The following TRMT11 variants were observed in gnomAD, a reference collection of about 807,000 sequenced individuals.
The protein encoded by TRMT11 is tRNA (guanine(10)-N(2))-methyltransferase TRMT11.
In TRMT11, 53 loss-of-function variants were observed where a neutral mutation model predicts 62.8. That is an observed-to-expected ratio of 0.84 (90% CI 0.68 to 1.06). The LOEUF (loss-of-function observed/expected upper bound fraction) is 1.06, where lower values mean the gene tolerates loss of function less well. Among genes scored for constraint, TRMT11 ranks in the 50% least tolerant of loss-of-function variants. The pLI, the probability that TRMT11 is intolerant of heterozygous loss-of-function variation, is 0.00. For missense variants in TRMT11, 556 were observed against 553.4 expected, an observed-to-expected ratio of 1.00 and a Z score of -0.05; for synonymous variants, 188 against 190.3, an observed-to-expected ratio of 0.99 and a Z score of 0.10.
intron 17 of TRMT11, among the ~76,000 whole-genome samples, chr6:126,089,174 C>T (rs559365081): frequency 3.0e-4 from 46 of 151,028 alleles, no homozygotes; most frequent in African/African-American, 9.2e-4. Flanking sequence ...AGTGCAGTGG[C>T]GCGATCTTGG....
At chr6:126,226,106 GCTTTTATGAAAATAAAAC>G in the TRMT11 span, among the ~76,000 whole-genome samples, 1 of 152,038 alleles carries the variant, frequency 6.6e-6, no homozygotes, top group African/African-American at 2.4e-5. Flanking sequence ...ATTTACTTGG[GCTTTTATGAAAATAAAAC>G]CCAAAACTAG....
intron 21 of TRMT11, among the ~76,000 whole-genome samples, chr6:126,166,538 C>T (rs1157653400): frequency 1.3e-5 from 2 of 152,274 alleles, no homozygotes; most frequent in African/African-American, 2.4e-5. Context: ...CACCAGATGC[C>T]AGCCGGAGCT....
chr6:126,129,697 A>T lies in TRMT11; in HGVS notation c.*1823+13842A>T, dbSNP rs534244284. Among the ~76,000 whole-genome samples, 64 of 151,922 alleles carry T rather than the reference A, an allele frequency of 4.2e-4. 1 individual carries two copies. The South Asian group carries it at 6.3e-3, about 15-fold the overall frequency. On this transcript the variant is annotated intron_variant and NMD_transcript_variant, in intron 21 of 22. Transcript: ENST00000648977. ...GCTACCGTGACTGGATTTAAAAAAA[A>T]TTTTTTTTATGTAGAACGAGGTATT...
intron 6 of TRMT11, among the ~76,000 whole-genome samples, 194 bp downstream of exon 6, chr6:125,998,878 G>T (rs1792035188): frequency 6.6e-6 from 1 of 152,038 alleles, no homozygotes; most frequent in Admixed American, 6.6e-5. Context: ...AGTGCAAGAG[G>T]CTTGTTAGAT....
In TRMT11 at chr6:126,154,831, C is replaced by G. The variant is rs558443893; in HGVS notation, c.*1824-19994C>G. 2.6e-5 allele frequency among the ~76,000 whole-genome samples: 4 copies of G among 152,300 alleles called. 1 individual carries two copies. In the South Asian group the frequency reaches 8.3e-4, roughly 32 times the overall value. The stretch of plus-strand genomic sequence containing the variant: ...TGGGCTTGCCTGGTCCAAGCATGGA[C>G]TGATCTTTTGAGCATCCTACTAATT... On this transcript the variant is annotated intron_variant and NMD_transcript_variant, in intron 21 of 22. Transcript: ENST00000648977.
At chr6:126,073,924 A>C (rs753344287) in intron 17 of TRMT11, among the ~76,000 whole-genome samples, 28 of 152,132 alleles carry the variant, frequency 1.8e-4, no homozygotes, top group Non-Finnish European at 3.7e-4. Context: ...TGGCAGCAGC[A>C]AGGAGAAGCG....
At chr6:126,145,213 T>C (rs1777960545) in intron 21 of TRMT11, among the ~76,000 whole-genome samples, 1 of 152,184 alleles carries the variant, frequency 6.6e-6, no homozygotes, top group African/African-American at 2.4e-5. Flanking sequence ...TTTAGAACAC[T>C]AACCAAACAC....
chr6:126,098,789 G>A (rs1777365915), intron 17 of TRMT11, among the ~76,000 whole-genome samples: 2 of 152,018 alleles, frequency 1.3e-5, no homozygotes, highest in South Asian at 2.1e-4. Flanking sequence ...TTGTCACATG[G>A]GCCTAGATAA....
Position 125,993,815 on chromosome 6 carries a change from A to T in TRMT11, c.131A>T (p.Tyr44Phe), listed in dbSNP as rs1261996793. The T allele has an allele frequency of 6.2e-7, 1 of 1,606,832 alleles. No individual in the cohort carries two copies. The highest frequency in any genetic ancestry group is 1.3e-5 in the African/African-American group (1 of 74,734). ...CAGTTTGCCAGCAGTCAAGAAACTT[A>T]TGGAAAGGTAAGTTAAATTTTCATT... Reference protein sequence around the residue: ...GGQFASSQETYGKSPFWILSI... With the variant: ...GGQFASSQETFGKSPFWILSI... The change falls in exon 2 of 13, where the codon TAT becomes TTT. Residue 44 changes from tyrosine (Y) to phenylalanine (F), a missense_variant. Transcript: ENST00000334379.
intron 1 of TRMT11, among the ~76,000 whole-genome samples, chr6:126,197,893 C>A (rs896666989): frequency 2.0e-5 from 3 of 152,058 alleles, no homozygotes; most frequent in African/African-American, 7.2e-5. Context: ...AGTGAGGGAC[C>A]AAAGGAAAAC....
intron 21 of TRMT11, among the ~76,000 whole-genome samples, chr6:126,129,438 AC>A (rs1777755579): frequency 2.0e-5 from 3 of 152,168 alleles, no homozygotes; most frequent in African/African-American, 7.2e-5. Flanking sequence ...TGTTAAAATT[AC>A]AAACCAACCC....
chr6:126,083,480 A>C (rs1016640919), intron 17 of TRMT11, among the ~76,000 whole-genome samples: 2 of 152,150 alleles, frequency 1.3e-5, no homozygotes, highest in African/African-American at 4.8e-5. Context: ...GGTTAAGTGT[A>C]TTTATTATAA....
chr6:126,063,433 A>G (rs555925523), intron 17 of TRMT11, among the ~76,000 whole-genome samples: 10 of 152,384 alleles, frequency 6.6e-5, no homozygotes, highest in African/African-American at 1.7e-4. Context: ...ACCAAATTCA[A>G]TGGAACTTAA....
At chr6:126,173,628 T>C (rs542993651), upstream of TRMT11, among the ~76,000 whole-genome samples, 6 of 152,242 alleles carry the variant, frequency 3.9e-5, no homozygotes, top group South Asian at 1.2e-3. Context: ...TTAAAAAGTA[T>C]GGGCTGTGGA....
intron 21 of TRMT11, among the ~76,000 whole-genome samples, chr6:126,171,329 G>C (rs1245681754): frequency 6.6e-6 from 1 of 151,898 alleles, no homozygotes; most frequent in Non-Finnish European, 1.5e-5. Context: ...AGTAACCCTG[G>C]CAAGTGATAG....
intron 1 of TRMT11, among the ~76,000 whole-genome samples, chr6:125,992,698 T>C (rs1350519669): frequency 6.6e-6 from 1 of 152,200 alleles, no homozygotes; most frequent in African/African-American, 2.4e-5. Flanking sequence ...TTGGAAGAGC[T>C]GAAAATCAGA....
At chr6:126,020,187 C>G (rs1274804011) in intron 11 of TRMT11, among the ~76,000 whole-genome samples, 1 of 152,166 alleles carries the variant, frequency 6.6e-6, no homozygotes, top group African/African-American at 2.4e-5. Flanking sequence ...CTAATCAGCA[C>G]CTTTGCTATT....
intron 1 of TRMT11, among the ~76,000 whole-genome samples, chr6:126,189,856 G>A (rs116376359): frequency 6.6e-6 from 1 of 151,872 alleles, no homozygotes. Context: ...TATTTCAGAA[G>A]AAAAATATTT....
chr6:126,095,630 C>T (rs944641668), intron 17 of TRMT11, among the ~76,000 whole-genome samples: 1 of 152,108 alleles, frequency 6.6e-6, no homozygotes, highest in Non-Finnish European at 1.5e-5. Context: ...ATGTGGTCCT[C>T]GTCCTTGTGG....
Sources: allele counts gnomAD v4.1 joint callset (sites outside exome capture counted in the v4.1 genomes callset), GRCh38; gene constraint gnomAD v4.1.1; transcripts MANE v1.5; gene names NCBI Gene and HGNC (gene_info 2026-07-23, HGNC 2026-07-21).